The following TRPS1 variants were observed in gnomAD, a reference collection of about 807,000 sequenced individuals.
TRPS1 encodes the protein zinc finger transcription factor Trps1.
In TRPS1, 6 loss-of-function variants were observed where a neutral mutation model predicts 101.2. The observed-to-expected ratio is 0.06, with a 90% CI of 0.03 to 0.12. The LOEUF (loss-of-function observed/expected upper bound fraction) is 0.12. Among genes scored for constraint, TRPS1 ranks in the 10% least tolerant of loss-of-function variants. TRPS1 has a pLI of 1.00. For synonymous variants in TRPS1, 578 were observed against 589.8 expected, an observed-to-expected ratio of 0.98 and a Z score of 0.29; for missense variants, 1,363 against 1,567.0, an observed-to-expected ratio of 0.87 and a Z score of 2.20.
At chr8:115,458,956 T>C (rs1164166231) in intron 5 of TRPS1, among the ~76,000 whole-genome samples, 3 of 152,366 alleles carry the variant, frequency 2.0e-5, no homozygotes, top group Non-Finnish European at 4.4e-5. Context: ...TATGATTAAA[T>C]AGCTATTTTG....
At chr8:115,662,509 G>A (rs1433434756) in intron 1 of TRPS1, among the ~76,000 whole-genome samples, 1 of 151,844 alleles carries the variant, frequency 6.6e-6, no homozygotes, top group South Asian at 2.1e-4. Context: ...ATAATTTCTG[G>A]GTGGAGTGTC....
chr8:115,449,956 AACACACACACAC>A (rs61176190), intron 5 of TRPS1, among the ~76,000 whole-genome samples: 7 of 146,922 alleles, frequency 4.8e-5, no homozygotes, highest in African/African-American at 1.8e-4. Flanking sequence ...TATGTGATTT[AACACACACACAC>A]ACACACACAC....
At chr8:115,592,566 G>A (rs1817699562) in intron 4 of TRPS1, among the ~76,000 whole-genome samples, 1 of 152,178 alleles carries the variant, frequency 6.6e-6, no homozygotes, top group African/African-American at 2.4e-5. Flanking sequence ...GTGCTCTTGA[G>A]ACTTGAACAA....
intron 5 of TRPS1, among the ~76,000 whole-genome samples, chr8:115,422,659 C>T (rs908101577): frequency 6.6e-6 from 1 of 152,210 alleles, no homozygotes; most frequent in East Asian, 1.9e-4. Context: ...AGCCACCGCA[C>T]CCAGCCCCAC....
At chr8:115,599,950 CCCA>C (rs1415817434) in intron 4 of TRPS1, among the ~76,000 whole-genome samples, 1 of 152,178 alleles carries the variant, frequency 6.6e-6, no homozygotes, top group Non-Finnish European at 1.5e-5. Context: ...AATTTACACT[CCCA>C]CCAACAGTGT....
At chr8:115,596,168 C>T (rs1352826835) in intron 4 of TRPS1, among the ~76,000 whole-genome samples, 1 of 151,858 alleles carries the variant, frequency 6.6e-6, no homozygotes, top group African/African-American at 2.4e-5. Flanking sequence ...AAAATGCATT[C>T]GTAAATCTCC....
At chr8:115,483,079 C>A (rs1814794634) in intron 5 of TRPS1, among the ~76,000 whole-genome samples, 1 of 152,106 alleles carries the variant, frequency 6.6e-6, no homozygotes, top group African/African-American at 2.4e-5. Context: ...CCTTATTTAT[C>A]CTCATGTTTC....
intron 4 of TRPS1, among the ~76,000 whole-genome samples, chr8:115,590,420 T>G (rs1817654767): frequency 6.6e-6 from 1 of 152,142 alleles, no homozygotes; most frequent in Non-Finnish European, 1.5e-5. Context: ...AACTACAAAT[T>G]ACCACTGACA....
chr8:115,483,080 C>T (rs1318883120), intron 5 of TRPS1, among the ~76,000 whole-genome samples: 3 of 152,080 alleles, frequency 2.0e-5, no homozygotes, highest in Non-Finnish European at 2.9e-5. Context: ...CTTATTTATC[C>T]TCATGTTTCC....
At chr8:115,479,057 T>A (rs1330223683) in intron 5 of TRPS1, among the ~76,000 whole-genome samples, 1 of 151,132 alleles carries the variant, frequency 6.6e-6, no homozygotes, top group Non-Finnish European at 1.5e-5. Flanking sequence ...AAGCCACGAG[T>A]ATTTTGGGGG....
intron 5 of TRPS1, among the ~76,000 whole-genome samples, chr8:115,535,540 A>G (rs1167553700): frequency 1.3e-5 from 2 of 148,916 alleles, no homozygotes; most frequent in Non-Finnish European, 3.0e-5. Flanking sequence ...TAGCGCATAT[A>G]TATAGCGCAT....
intron 1 of TRPS1, among the ~76,000 whole-genome samples, chr8:115,659,380 ATTT>A (rs1391656210): frequency 2.0e-5 from 3 of 151,724 alleles, no homozygotes; most frequent in African/African-American, 7.2e-5. Context: ...CATATTCCGT[ATTT>A]TTTAATTTAT....
intron 5 of TRPS1, among the ~76,000 whole-genome samples, chr8:115,484,773 G>A (rs1158512680): frequency 6.6e-6 from 1 of 152,092 alleles, no homozygotes; most frequent in African/African-American, 2.4e-5. Context: ...TTTAAAAACT[G>A]CTACAATAGT....
At chr8:115,430,543 AC>A (rs1310569638) in intron 5 of TRPS1, among the ~76,000 whole-genome samples, 2 of 152,106 alleles carry the variant, frequency 1.3e-5, no homozygotes, top group Admixed American at 6.6e-5. Flanking sequence ...AGAAACTAGA[AC>A]TTAGATTGAA....
intron 5 of TRPS1, among the ~76,000 whole-genome samples, chr8:115,443,413 G>A (rs145900709): frequency 6.6e-6 from 1 of 152,164 alleles, no homozygotes; most frequent in Non-Finnish European, 1.5e-5. Context: ...CCTTTAGAAG[G>A]TGTATTCCTC....
At chr8:115,552,212 C>CA (rs1031919625) in intron 5 of TRPS1, among the ~76,000 whole-genome samples, 1 of 151,880 alleles carries the variant, frequency 6.6e-6, no homozygotes. Context: ...ACAGTATATG[C>CA]TTTTTTTTCC....
At chr8:115,502,304 T>C (rs1815338630) in intron 5 of TRPS1, among the ~76,000 whole-genome samples, 1 of 152,142 alleles carries the variant, frequency 6.6e-6, no homozygotes, top group Non-Finnish European at 1.5e-5. Context: ...ATCCAATTGC[T>C]TAAAACAGAT....
rs2080289155 is a variant in TRPS1, at chr8:115,667,849, A to C, written c.-122+696T>G. On this transcript the variant is annotated intron_variant, in intron 1 of 6. Transcript: ENST00000395715. ...GAGGCCCGTCTCTGAGACCCTCCCG[A>C]CCCTCCCGAGTTCGCCCAACTTACT... 3 of 1,534,894 alleles carry C rather than the reference A, an allele frequency of 2.0e-6. No individual in the cohort carries two copies. In the South Asian group the frequency reaches 3.6e-5, roughly 18 times the overall value.
intron 5 of TRPS1, among the ~76,000 whole-genome samples, chr8:115,580,680 T>C (rs139228433): frequency 1.3e-5 from 2 of 152,298 alleles, no homozygotes; most frequent in Non-Finnish European, 2.9e-5. Flanking sequence ...TTCACTAAGA[T>C]ACATCTGCTT....
Sources: gnomAD v4.1 joint callset for allele counts (sites outside exome capture counted in the v4.1 genomes callset) on GRCh38, gnomAD v4.1.1 for gene constraint, MANE v1.5 for transcripts, NCBI Gene and HGNC (gene_info 2026-07-23, HGNC 2026-07-21) for gene names.